Variants in KHDRBS2 observed in about 807,000 individuals in gnomAD.
KHDRBS2 encodes the protein KH RNA binding domain containing, signal transduction associated 2, also known as KH domain-containing, RNA-binding, signal transduction-associated protein 2.
KHDRBS2 carries 26 observed loss-of-function variants against 44.3 expected under a neutral mutation model. That is an observed-to-expected ratio of 0.59 (90% confidence interval 0.43 to 0.81). KHDRBS2 has a LOEUF of 0.81. KHDRBS2 is among the 40% of genes least tolerant of loss of function. The probability of loss-of-function intolerance (pLI) is 0.00; values close to 1 mark genes in which losing one functional copy is unlikely to be tolerated. For missense variants in KHDRBS2, 476 were observed against 433.1 expected (o/e 1.10, Z -0.88); for synonymous variants, 194 against 151.1 (o/e 1.28, Z -2.08).
At position 61,750,760 on chromosome 6, in the gene KHDRBS2, T is replaced by TAAA. The variant is rs61576563; in HGVS notation, c.811-17999_811-17997dup. On this transcript the variant is annotated intron_variant, in intron 6 of 8. Coordinates refer to ENST00000281156, the MANE Select transcript of KHDRBS2 (RefSeq NM_152688.4). ...TCTCATTTATGACCAGAGAAAAAAGTAAAAAAAAAAAAAAAAACATCTAGG... is the reference window on the plus strand; with the variant it reads ...TCTCATTTATGACCAGAGAAAAAAGTAAAAAAAAAAAAAAAAAAAACATCTAGG... 3.1e-3 allele frequency among the ~76,000 whole-genome samples: 365 copies of TAAA among 116,490 alleles called. 1 individual carries two copies. Among genetic ancestry groups the TAAA allele is most frequent in the Admixed American group, 6.3e-3 (72 of 11,364 alleles). 76.4% of individuals were successfully genotyped at this position (116,490 alleles called of 152,430 possible). A position where few individuals can be genotyped will look rare whatever the true frequency, so the allele number is the denominator to read the frequency against.
At chr6:61,788,624 A>G (rs1319855002) in intron 6 of KHDRBS2, among the ~76,000 whole-genome samples, 3 of 151,304 alleles carry the variant, frequency 2.0e-5, no homozygotes, top group Non-Finnish European at 4.4e-5. Flanking sequence ...AATTAAGTAA[A>G]ACTCTATTAC....
At chr6:61,572,456 G>A in the KHDRBS2 span, among the ~76,000 whole-genome samples, 2 of 151,950 alleles carry the variant, frequency 1.3e-5, no homozygotes, top group Non-Finnish European at 2.9e-5. Flanking sequence ...AATCTCCCCT[G>A]AATAATTCTA....
intron 4 of KHDRBS2, among the ~76,000 whole-genome samples, chr6:61,908,129 T>C (rs72882425): frequency 0.19 from 29,251 of 152,074 alleles, 2,998 homozygotes; most frequent in Non-Finnish European, 0.23. Context: ...TAAATGGTAA[T>C]GAGATAATTT....
At chr6:61,943,438 A>G (rs756172370) in intron 4 of KHDRBS2, among the ~76,000 whole-genome samples, 1 of 152,182 alleles carries the variant, frequency 6.6e-6, no homozygotes, top group Admixed American at 6.5e-5. Flanking sequence ...AGAAACAACC[A>G]GAAAACAACG....
rs1244690200 is a variant in KHDRBS2 at position 61,989,759 on chromosome 6, T to C, written c.337-11547A>G. Among the ~76,000 whole-genome samples the C allele has an allele frequency of 3.3e-5, 5 of 152,308 alleles. No individual in the cohort carries two copies. The South Asian group carries it at 8.3e-4, about 25-fold the overall frequency. On this transcript the variant is annotated intron_variant, in intron 3 of 8. Coordinates refer to ENST00000281156, the MANE Select transcript of KHDRBS2 (RefSeq NM_152688.4). Reference sequence around the variant, plus strand: ...ACCCACTGAAACAAATGGTAACAGATGCTGTTGATACTCTGCTCATATCCC... The same window carrying C: ...ACCCACTGAAACAAATGGTAACAGACGCTGTTGATACTCTGCTCATATCCC...
chr6:62,134,113 G>C (rs1166988265), intron 2 of KHDRBS2, among the ~76,000 whole-genome samples: 1 of 152,180 alleles, frequency 6.6e-6, no homozygotes, highest in East Asian at 1.9e-4. Flanking sequence ...TCCAGGGCTT[G>C]TCAGAGACCT....
chr6:62,177,346 A>G (rs904011962), intron 1 of KHDRBS2, 34 bp from the exon 2 acceptor site: 9 of 1,517,868 alleles, frequency 5.9e-6, no homozygotes, highest in Admixed American at 5.6e-5. Context: ...AACAAGTGAA[A>G]TGAGGAACAA....
At chr6:61,657,378 G>A in the KHDRBS2 span, among the ~76,000 whole-genome samples, 1 of 151,842 alleles carries the variant, frequency 6.6e-6, no homozygotes, top group Non-Finnish European at 1.5e-5. Context: ...TTCACCCTAT[G>A]AAACTGTTTC....
chr6:61,854,850 T>C (rs1207114129), intron 6 of KHDRBS2, among the ~76,000 whole-genome samples: 1 of 152,152 alleles, frequency 6.6e-6, no homozygotes, highest in Non-Finnish European at 1.5e-5. Flanking sequence ...GTTGAATGAA[T>C]TGATGCATAT....
At chr6:61,555,277 T>G in the KHDRBS2 span, among the ~76,000 whole-genome samples, 1 of 152,224 alleles carries the variant, frequency 6.6e-6, no homozygotes, top group Non-Finnish European at 1.5e-5. Context: ...CTGAGATGCT[T>G]TCCTCAGCTT....
chr6:61,706,026 T>A (rs972435457), intron 7 of KHDRBS2, among the ~76,000 whole-genome samples: 3 of 151,844 alleles, frequency 2.0e-5, no homozygotes, highest in Non-Finnish European at 4.4e-5. Flanking sequence ...GCCTGACACA[T>A]AGTAAATGGA....
intron 3 of KHDRBS2, among the ~76,000 whole-genome samples, chr6:61,984,141 A>G (rs923946147): frequency 2.0e-5 from 3 of 152,168 alleles, no homozygotes; most frequent in African/African-American, 7.2e-5. Context: ...GCTCCAGAAA[A>G]TAACCATGAC....
At chr6:61,955,328 ATATACACATATGTATG>A (rs1440445528) in intron 4 of KHDRBS2, among the ~76,000 whole-genome samples, 2 of 147,268 alleles carry the variant, frequency 1.4e-5, no homozygotes, top group African/African-American at 4.9e-5. Flanking sequence ...ATACGTGTAT[ATATACACATATGTATG>A]TATACATATA....
intron 2 of KHDRBS2, among the ~76,000 whole-genome samples, chr6:62,091,994 T>A (rs765683924): frequency 6.6e-6 from 1 of 152,144 alleles, no homozygotes; most frequent in Non-Finnish European, 1.5e-5. Flanking sequence ...CCAAGTTGGG[T>A]TTTTGTAGTG....
At chr6:62,283,655 A>T (rs1461890255) in intron 1 of KHDRBS2, among the ~76,000 whole-genome samples, 1 of 152,130 alleles carries the variant, frequency 6.6e-6, no homozygotes, top group Non-Finnish European at 1.5e-5. Context: ...AATCTCAACC[A>T]TACTCTTCTA....
intron 1 of KHDRBS2, among the ~76,000 whole-genome samples, chr6:62,232,046 G>A (rs940726581): frequency 2.0e-5 from 3 of 151,968 alleles, no homozygotes; most frequent in Non-Finnish European, 4.4e-5. Flanking sequence ...ACTCTTTGAG[G>A]GCAGTATTAA....
chr6:61,812,200 A>G (rs930883849), intron 6 of KHDRBS2, among the ~76,000 whole-genome samples: 3 of 151,844 alleles, frequency 2.0e-5, no homozygotes, highest in African/African-American at 7.3e-5. Flanking sequence ...TCTACTTCCA[A>G]CCATCGAGAC....
chr6:62,061,209 T>C (rs1435082340), intron 2 of KHDRBS2, among the ~76,000 whole-genome samples: 1 of 151,784 alleles, frequency 6.6e-6, no homozygotes, highest in Non-Finnish European at 1.5e-5. Context: ...AATTTGATCC[T>C]GTCATTATGA....
At chr6:61,685,704 T>C (rs1035541549) in intron 8 of KHDRBS2, among the ~76,000 whole-genome samples, 9 of 151,800 alleles carry the variant, frequency 5.9e-5, no homozygotes, top group Non-Finnish European at 1.2e-4. Flanking sequence ...GCATTAAATA[T>C]TACTGTGACT....
Sources: gnomAD v4.1 joint callset for allele counts (sites outside exome capture counted in the v4.1 genomes callset) on GRCh38, gnomAD v4.1.1 for gene constraint, MANE v1.5 for transcripts, NCBI Gene and HGNC (gene_info 2026-07-23, HGNC 2026-07-21) for gene names.